The following SERPINI2 variants were observed in gnomAD, a reference collection of about 807,000 sequenced individuals.
SERPINI2 encodes serpin family I member 2.
Under a neutral mutation model 47.3 loss-of-function variants are expected in SERPINI2, and 48 were observed. The observed-to-expected ratio is 1.02, with a 90% CI of 0.81 to 1.29. The LOEUF (loss-of-function observed/expected upper bound fraction) is 1.29. Ranked by LOEUF, SERPINI2 falls within the 50% of genes most tolerant of loss-of-function variation. The pLI is 0.00. For synonymous variants in SERPINI2, 135 were observed against 149.3 expected (o/e 0.90, Z 0.70); for missense variants, 448 against 456.9 (o/e 0.98, Z 0.18).
chr3:167,446,582 G>T, intron 7 of SERPINI2, 101 bp from the exon 8 acceptor site: 1 of 735,030 alleles, frequency 1.4e-6, no homozygotes, highest in Non-Finnish European at 2.2e-6. Flanking sequence ...GTCATTTTGT[G>T]TAAGGAGTTA....
chr3:167,458,234 T>G (rs1036033485), intron 5 of SERPINI2, among the ~76,000 whole-genome samples: 1 of 150,750 alleles, frequency 6.6e-6, no homozygotes, highest in African/African-American at 2.4e-5. Context: ...GTAGTCTTAG[T>G]GAATTTCTTT....
chr3:167,471,800 A>G, exon 2 of SERPINI2: 1 of 1,612,176 alleles, frequency 6.2e-7, no homozygotes. Context: ...TCCAAAAAAC[A>G]GCAATAGAAG....
chr3:167,459,365 C>T (rs1030749030), intron 5 of SERPINI2, among the ~76,000 whole-genome samples: 4 of 152,104 alleles, frequency 2.6e-5, no homozygotes, highest in Non-Finnish European at 5.9e-5. Flanking sequence ...TGAGCCACCG[C>T]GCCCGGCCCC....
At chr3:167,456,457 A>G (rs970851089) in intron 5 of SERPINI2, among the ~76,000 whole-genome samples, 15 of 152,198 alleles carry the variant, frequency 9.9e-5, no homozygotes, top group Admixed American at 8.5e-4. Flanking sequence ...CAAGCCTAGA[A>G]TTAATTTCTA....
chr3:167,443,175 T>G (rs577303233), intron 8 of SERPINI2, among the ~76,000 whole-genome samples: 1 of 152,350 alleles, frequency 6.6e-6, no homozygotes, highest in African/African-American at 2.4e-5. Flanking sequence ...TGGCGGGATC[T>G]CCGCTCATTG....
intron 5 of SERPINI2, 64 bp downstream of exon 5, chr3:167,465,142 G>T: frequency 7.3e-7 from 1 of 1,366,224 alleles, no homozygotes; most frequent in South Asian, 1.3e-5. Context: ...CCTTTCAGCT[G>T]ACTGCTCAAA....
chr3:167,464,793 T>C (rs970574314), intron 5 of SERPINI2, among the ~76,000 whole-genome samples: 7 of 152,208 alleles, frequency 4.6e-5, no homozygotes, highest in Non-Finnish European at 7.3e-5. Context: ...GTTAGAGCAC[T>C]GTCCGTCAAA....
chr3:167,463,270 C>T (rs1347331353), intron 5 of SERPINI2, among the ~76,000 whole-genome samples: 1 of 151,580 alleles, frequency 6.6e-6, no homozygotes, highest in African/African-American at 2.4e-5. Context: ...ACCATTATAC[C>T]CCAGTGTTTG....
chr3:167,448,768 C>T (rs968171279), intron 7 of SERPINI2, among the ~76,000 whole-genome samples: 1 of 151,872 alleles, frequency 6.6e-6, no homozygotes, highest in Non-Finnish European at 1.5e-5. Flanking sequence ...GTGATCCACC[C>T]GCCTCGGCCT....
chr3:167,467,424 G>A (rs1750169874), intron 2 of SERPINI2, 139 bp from the exon 3 acceptor site: 2 of 583,018 alleles, frequency 3.4e-6, no homozygotes. Context: ...TTCAAAGTTA[G>A]TATAAATATT....
intron 5 of SERPINI2, among the ~76,000 whole-genome samples, chr3:167,454,886 C>T (rs980564666): frequency 2.0e-5 from 3 of 152,078 alleles, no homozygotes; most frequent in South Asian, 2.1e-4. Flanking sequence ...CTAAGGAAGT[C>T]GGCATTATTT....
rs146318539 is a variant in SERPINI2, at chr3:167,460,821, C to G, written c.866+4385G>C. ...AATAAAGAGAAATAATATAGAATTT[C>G]TTTCCTTGAAAATATTTGTGTAATT... On this transcript the variant is annotated intron_variant, in intron 5 of 8. Transcript: ENST00000264677. Among the ~76,000 whole-genome samples the G allele has an allele frequency of 1.4e-3, 215 of 152,212 alleles. 2 individuals carry two copies. Among genetic ancestry groups the G allele is most frequent in the Admixed American group, 2.3e-3 (35 of 15,278 alleles).
intron 5 of SERPINI2, among the ~76,000 whole-genome samples, chr3:167,453,364 A>G: frequency 6.6e-6 from 1 of 152,098 alleles, no homozygotes; most frequent in Non-Finnish European, 1.5e-5. Flanking sequence ...ACAAGTCTAA[A>G]ATTTCCCTCT....
intron 8 of SERPINI2, among the ~76,000 whole-genome samples, chr3:167,445,761 A>G (rs1749461297): frequency 2.6e-5 from 4 of 152,176 alleles, no homozygotes; most frequent in Admixed American, 2.0e-4. Flanking sequence ...CTCACAAGAG[A>G]AAGTGCTGAA....
intron 2 of SERPINI2, among the ~76,000 whole-genome samples, chr3:167,468,717 C>T (rs886858145): frequency 2.6e-5 from 4 of 152,126 alleles, no homozygotes; most frequent in African/African-American, 7.2e-5. Flanking sequence ...AGCCATTTTA[C>T]TTATTTGTAC....
chr3:167,454,582 G>A lies in SERPINI2; in HGVS notation c.867-1549C>T, dbSNP rs116940214. On this transcript the variant is annotated intron_variant, in intron 5 of 8. Coordinates refer to ENST00000264677, the Ensembl canonical transcript of SERPINI2. ...ATATGTTCTAATCTACCTATAAATG[G>A]GCTATAATAGTCCAATAATTTTAGG... is the stretch of plus-strand genomic sequence containing the variant. Among the ~76,000 whole-genome samples, 253 of 152,086 alleles carry A rather than the reference G, an allele frequency of 1.7e-3. 2 individuals carry two copies. In the East Asian group the frequency reaches 0.041, roughly 25 times the overall value.
At chr3:167,475,881 A>T (rs760556595), upstream of SERPINI2, among the ~76,000 whole-genome samples, 2 of 151,790 alleles carry the variant, frequency 1.3e-5, no homozygotes, top group Non-Finnish European at 1.5e-5. Context: ...TTATCCTTTT[A>T]TAGTTTTTTC....
intron 3 of SERPINI2, 152 bp from the exon 4 acceptor site, chr3:167,465,825 G>A (rs565035227): frequency 3.4e-5 from 21 of 614,884 alleles, no homozygotes; most frequent in Middle Eastern, 4.2e-4. Context: ...GAGAATAGAC[G>A]GGATTGCTGT....
At chr3:167,465,446 A>G (rs1750104447) in intron 4 of SERPINI2, 33 bp downstream of exon 4, 1 of 1,608,284 alleles carries the variant, frequency 6.2e-7, no homozygotes, top group African/African-American at 1.3e-5. Context: ...AATTCTCAAG[A>G]CTATGCTTAG....
Sources: gnomAD v4.1 joint callset for allele counts (sites outside exome capture counted in the v4.1 genomes callset) on GRCh38, gnomAD v4.1.1 for gene constraint, MANE v1.5 for transcripts, NCBI Gene and HGNC (gene_info 2026-07-23, HGNC 2026-07-21) for gene names.